PIAS2: variants seen among roughly 807,000 people sequenced by gnomAD.
PIAS2 encodes the protein E3 SUMO-protein ligase PIAS2.
A neutral mutation model predicts 69.7 loss-of-function variants in PIAS2; 19 were observed. That is an observed-to-expected ratio of 0.27 (90% CI 0.19 to 0.40). The LOEUF (loss-of-function observed/expected upper bound fraction) is 0.40. Ranked by LOEUF, PIAS2 falls within the 10% of genes least tolerant of loss-of-function variation. The pLI, the probability that PIAS2 is intolerant of heterozygous loss-of-function variation, is 1.00. For synonymous variants in PIAS2, 261 were observed against 263.2 expected (o/e 0.99, Z 0.08); for missense variants, 624 against 757.0 (o/e 0.82, Z 2.06).
At chr18:46,885,085 G>C (rs2145909569) in intron 2 of PIAS2, among the ~76,000 whole-genome samples, 2 of 152,194 alleles carry the variant, frequency 1.3e-5, no homozygotes, top group Middle Eastern at 3.4e-3. Flanking sequence ...ACTTTATTTA[G>C]TATTATTGTA....
intron 2 of PIAS2, among the ~76,000 whole-genome samples, chr18:46,876,349 G>T (rs1284887601): frequency 1.3e-5 from 2 of 152,116 alleles, no homozygotes; most frequent in African/African-American, 4.8e-5. Flanking sequence ...GATAGTGCAG[G>T]GTTTGAGTCC....
In PIAS2 at chr18:46,830,950, T is replaced by C. The variant is rs2043523473; in HGVS notation, c.1203-1083A>G. On this transcript the variant is annotated intron_variant, in intron 9 of 13. Coordinates refer to ENST00000585916, the MANE Select transcript of PIAS2 (RefSeq NM_004671.5). ...TGCAAAACAAATCCAACAACAAATA[T>C]ACACAGGATAACAAATCATGACCAA... is the stretch of plus-strand genomic sequence containing the variant. Among the ~76,000 whole-genome samples the C allele has an allele frequency of 2.6e-5, 4 of 152,010 alleles. No homozygotes were observed. In the South Asian group the frequency reaches 8.3e-4, roughly 32 times the overall value.
At chr18:46,864,465 T>C (rs1158824005) in intron 2 of PIAS2, among the ~76,000 whole-genome samples, 1 of 152,114 alleles carries the variant, frequency 6.6e-6, no homozygotes, top group Non-Finnish European at 1.5e-5. Flanking sequence ...ACGTAACCAT[T>C]CTTTATTCTA....
intron 1 of PIAS2, among the ~76,000 whole-genome samples, chr18:46,899,972 G>C (rs1047964965): frequency 5.9e-5 from 9 of 152,182 alleles, no homozygotes; most frequent in African/African-American, 2.2e-4. Flanking sequence ...TGGTAGTAGG[G>C]TGCAAGGGTG....
intron 9 of PIAS2, among the ~76,000 whole-genome samples, chr18:46,834,734 C>T (rs2044179111): frequency 6.6e-6 from 1 of 152,182 alleles, no homozygotes; most frequent in Non-Finnish European, 1.5e-5. Flanking sequence ...CCTGCCTTGG[C>T]CTTCCAAAGT....
At chr18:46,816,216 G>A (rs780648065) in intron 12 of PIAS2, 32 of 984,920 alleles carry the variant, frequency 3.2e-5, no homozygotes, top group Non-Finnish European at 3.9e-5. Context: ...GAGACACCCC[G>A]AATATAACCA....
In PIAS2 at chr18:46,855,391, G is replaced by C; in HGVS notation, c.680C>G (p.Pro227Arg). ...ATTTACTTTTATACATAGACTATTT[G>C]GATAGTTATCTTCTTGAGGGCAACT... ...ETSCPQEDNY[P>R]NSLCIKVNGK... The change falls in exon 5 of 14, where the codon CCA (proline) becomes CGA (arginine). Residue 227 changes from proline to arginine, a missense_variant. Physicochemically the swap from Pro to Arg is moderately radical, Grantham distance 103 (BLOSUM62 -2). Around this residue, in one of 3 missense-constraint regions of PIAS2, gnomAD observed 339 missense variants for 408.8 expected, o/e 0.83. Transcript: ENST00000585916. 6.2e-7 allele frequency: 1 copy of C among 1,612,754 alleles called. No individual in the cohort carries two copies. The highest frequency in any genetic ancestry group is 8.5e-7 in the Non-Finnish European group (1 of 1,179,462).
At chr18:46,861,334 T>C (rs1233522401) in intron 3 of PIAS2, among the ~76,000 whole-genome samples, 3 of 152,138 alleles carry the variant, frequency 2.0e-5, no homozygotes, top group African/African-American at 7.2e-5. Flanking sequence ...GTAAAAAAGA[T>C]TAAGGACAAC....
intron 3 of PIAS2, among the ~76,000 whole-genome samples, chr18:46,857,832 T>C (rs1205605132): frequency 6.6e-6 from 1 of 152,230 alleles, no homozygotes; most frequent in Non-Finnish European, 1.5e-5. Context: ...TTTTACATAC[T>C]GGTCCATCAG....
At chr18:46,827,871 GC>G in intron 11 of PIAS2, 87 bp downstream of exon 11, 1 of 1,150,218 alleles carries the variant, frequency 8.7e-7, no homozygotes, top group Non-Finnish European at 1.2e-6. Flanking sequence ...CTACAGTTAT[GC>G]CATTTCCCAA....
At chr18:46,910,741 A>G (rs2057169113) in intron 1 of PIAS2, among the ~76,000 whole-genome samples, 1 of 152,370 alleles carries the variant, frequency 6.6e-6, no homozygotes, top group African/African-American at 2.4e-5. Flanking sequence ...CTACAGGAGA[A>G]TAACCATCAG....
At chr18:46,873,550 A>G (rs2050696503) in intron 2 of PIAS2, among the ~76,000 whole-genome samples, 1 of 152,212 alleles carries the variant, frequency 6.6e-6, no homozygotes, top group Non-Finnish European at 1.5e-5. Flanking sequence ...TGCATGTTTA[A>G]CATGCATTAA....
At position 46,809,456 on chromosome 18, in the gene PIAS2, T is replaced by A. The variant is rs531112309; in HGVS notation, c.*2977A>T. On this transcript the variant is annotated 3_prime_UTR_variant, in exon 14 of 14. Transcript: ENST00000585916. The stretch of plus-strand genomic sequence containing the variant: ...CTTCATAGTTCTAAGTGAAGAAAGA[T>A]AAAAACATTTTATTTTGGCCAGGCG... The A allele has an allele frequency of 6.6e-6, 1 of 152,266 alleles. No homozygotes were observed. The highest frequency in any genetic ancestry group is 1.5e-5 in the Non-Finnish European group (1 of 68,040). The allele number at this position is 152,266 out of a possible 1,614,324, so 9.4% of individuals were successfully genotyped here.
In PIAS2 at chr18:46,805,375, A is replaced by G. The variant is rs1024332441; in HGVS notation, c.*7058T>C. ...CATCTATAGAATGTTCAAGATATTAATAATAATGACCAGAATCAAGGAAGG... is the reference window on the plus strand; with the variant it reads ...CATCTATAGAATGTTCAAGATATTAGTAATAATGACCAGAATCAAGGAAGG... On this transcript the variant is annotated 3_prime_UTR_variant, in exon 14 of 14. Coordinates refer to ENST00000585916, the MANE Select transcript of PIAS2 (RefSeq NM_004671.5). 6.6e-6 allele frequency: 1 copy of G among 152,202 alleles called. No individual in the cohort carries two copies. Among genetic ancestry groups the G allele is most frequent in the African/African-American group, 2.4e-5 (1 of 41,450 alleles). The allele number at this position is 152,202 out of a possible 1,614,324, so 9.4% of individuals were successfully genotyped here. A position where few individuals can be genotyped will look rare whatever the true frequency, so the allele number is the denominator to read the frequency against.
intron 2 of PIAS2, among the ~76,000 whole-genome samples, chr18:46,870,483 A>G (rs2956973): frequency 0.62 from 94,781 of 151,658 alleles, 31,238 homozygotes; most frequent in African/African-American, 0.85. Context: ...AGACGTGGTG[A>G]CGGGCGCCTG....
In PIAS2 at chr18:46,807,658, A is replaced by G. The variant is rs2040777138; in HGVS notation, c.*4775T>C. The G allele has an allele frequency of 6.6e-6, 1 of 152,048 alleles. No homozygotes were observed. The highest frequency in any genetic ancestry group is 1.5e-5 in the Non-Finnish European group (1 of 68,078). 9.4% of individuals were successfully genotyped at this position (152,048 alleles called of 1,614,324 possible). On this transcript the variant is annotated 3_prime_UTR_variant, in exon 14 of 14. Coordinates refer to ENST00000585916, the MANE Select transcript of PIAS2 (RefSeq NM_004671.5). Reference sequence around the variant, plus strand: ...ATTATCTGCCCGCCTTGGCCTCCCAAAGTGCTGGGATTACAGGCGTGAGCC... The same window carrying G: ...ATTATCTGCCCGCCTTGGCCTCCCAGAGTGCTGGGATTACAGGCGTGAGCC...
At chr18:46,850,780 G>A (rs2046847926) in intron 5 of PIAS2, among the ~76,000 whole-genome samples, 2 of 152,002 alleles carry the variant, frequency 1.3e-5, no homozygotes, top group Admixed American at 1.3e-4. Context: ...TATGAATTGT[G>A]GAATAATGAT....
intron 2 of PIAS2, among the ~76,000 whole-genome samples, chr18:46,885,344 C>T (rs553206244): frequency 3.5e-4 from 53 of 151,940 alleles, no homozygotes; most frequent in African/African-American, 1.2e-3. Context: ...TAGTGAAACC[C>T]CGTCTCTATT....
intron 9 of PIAS2, among the ~76,000 whole-genome samples, chr18:46,833,219 A>G (rs1364817937): frequency 1.3e-5 from 2 of 152,228 alleles, no homozygotes; most frequent in Non-Finnish European, 2.9e-5. Context: ...AGCAATAAAA[A>G]TGAACTATTG....
Sources: allele counts gnomAD v4.1 joint callset (sites outside exome capture counted in the v4.1 genomes callset), GRCh38; gene constraint gnomAD v4.1.1; regional missense constraint gnomAD v4.1.1; transcripts MANE v1.5; gene names NCBI Gene and HGNC (gene_info 2026-07-23, HGNC 2026-07-21).